The following GALNT10 variants were observed in gnomAD, a reference collection of about 807,000 sequenced individuals.
The protein encoded by GALNT10 is polypeptide N-acetylgalactosaminyltransferase 10.
GALNT10 carries 41 observed loss-of-function variants against 75.0 expected under a neutral mutation model. That is an observed-to-expected ratio of 0.55 (90% CI 0.43 to 0.71). The LOEUF (loss-of-function observed/expected upper bound fraction) is 0.71, where lower values mean the gene tolerates loss of function less well. Among genes scored for constraint, GALNT10 ranks in the 30% least tolerant of loss-of-function variants. GALNT10 has a pLI of 0.00. For synonymous variants in GALNT10, 302 were observed against 313.0 expected (o/e 0.96, Z 0.37); for missense variants, 727 against 818.5 (o/e 0.89, Z 1.36).
intron 1 of GALNT10, among the ~76,000 whole-genome samples, chr5:154,201,647 C>T (rs894192357): frequency 2.6e-5 from 4 of 152,082 alleles, no homozygotes; most frequent in African/African-American, 9.7e-5. Flanking sequence ...GATGTAGGTA[C>T]AGGCCAGGCG....
rs943645787 is a variant in GALNT10 at position 154,402,229 on chromosome 5, C to T, written c.1057-1875C>T. On this transcript the variant is annotated intron_variant, in intron 7 of 11. Coordinates refer to ENST00000297107, the MANE Select transcript of GALNT10 (RefSeq NM_198321.4). The surrounding 1 kb of genome is among the most constrained non-coding windows in gnomAD (Gnocchi z 4.2). ...TGCCCGCGTCTCTGGCCTCCCCTCC[C>T]ATCCCTCTTCCCCTTTCTCCCTCTG... Among the ~76,000 whole-genome samples, 1 of 152,198 alleles carries T rather than the reference C, an allele frequency of 6.6e-6. No individual in the cohort carries two copies. Among genetic ancestry groups the T allele is most frequent in the African/African-American group, 2.4e-5 (1 of 41,446 alleles).
chr5:154,250,689 C>A (rs961296603), intron 1 of GALNT10, among the ~76,000 whole-genome samples: 5 of 152,144 alleles, frequency 3.3e-5, no homozygotes, highest in Non-Finnish European at 7.4e-5. Flanking sequence ...CCACCAGAGT[C>A]GCTCAATCTA....
Position 154,213,314 on chromosome 5 carries a change from T to G in GALNT10, c.159+22289T>G, listed in dbSNP as rs543055083. On this transcript the variant is annotated intron_variant, in intron 1 of 11. Transcript: ENST00000297107. ...TAAGAATTTGAAAGGAAAAACAACC[T>G]CTCCAGGCCGAACATTCCTACAGGT... Among the ~76,000 whole-genome samples the G allele has an allele frequency of 2.7e-4, 41 of 152,170 alleles. 3 individuals are homozygous for G. In the Middle Eastern group the frequency reaches 0.01, roughly 38 times the overall value.
intron 4 of GALNT10, among the ~76,000 whole-genome samples, chr5:154,359,182 T>C (rs1413660391): frequency 1.3e-5 from 2 of 152,150 alleles, no homozygotes; most frequent in Non-Finnish European, 2.9e-5. Context: ...ATTAACGCCA[T>C]GGTAAACGCA....
chr5:154,352,827 G>A lies in GALNT10; in HGVS notation c.568+23089G>A, dbSNP rs1319830592. Among the ~76,000 whole-genome samples, 2 of 152,164 alleles carry A rather than the reference G, an allele frequency of 1.3e-5. No homozygotes were observed. The highest frequency in any genetic ancestry group is 1.5e-5 in the Non-Finnish European group (1 of 68,030). The stretch of plus-strand genomic sequence containing the variant: ...GTTTAAGAAACCTTGACCACCCCGC[G>A]GTCTTGCATCGGGACATGGCTATGG... On this transcript the variant is annotated intron_variant, in intron 4 of 11. Transcript: ENST00000297107. This position sits in a 1 kb window ranked among gnomAD's most constrained non-coding sequence, Gnocchi z 4.4.
chr5:154,195,683 C>A (rs183456581), intron 1 of GALNT10, among the ~76,000 whole-genome samples: 4 of 152,300 alleles, frequency 2.6e-5, no homozygotes, highest in Non-Finnish European at 5.9e-5. Flanking sequence ...TAGGGAGGAA[C>A]GCAGATCAGA....
chr5:154,285,257 T>C (rs764989527), intron 1 of GALNT10, among the ~76,000 whole-genome samples: 3 of 152,216 alleles, frequency 2.0e-5, no homozygotes, highest in Non-Finnish European at 2.9e-5. Flanking sequence ...ACACTCTGCA[T>C]GAGCACGGGA....
chr5:154,251,279 C>T (rs1281959645), intron 1 of GALNT10, among the ~76,000 whole-genome samples: 1 of 152,008 alleles, frequency 6.6e-6, no homozygotes, highest in Non-Finnish European at 1.5e-5. Flanking sequence ...ACTTATCACC[C>T]GAATGTGTAC....
intron 7 of GALNT10, chr5:154,392,863 A>T (rs1755931061): frequency 6.6e-6 from 1 of 152,132 alleles, no homozygotes; most frequent in Admixed American, 6.5e-5. Flanking sequence ...CAGAGCAAGC[A>T]CATTCTTTGA....
chr5:154,335,440 C>T (rs551315318), intron 4 of GALNT10, among the ~76,000 whole-genome samples: 8 of 152,070 alleles, frequency 5.3e-5, no homozygotes, highest in South Asian at 2.1e-4. Context: ...AAAATTCCAG[C>T]GAAATTTAAT....
chr5:154,248,028 T>C (rs1394873291), intron 1 of GALNT10, among the ~76,000 whole-genome samples: 1 of 152,234 alleles, frequency 6.6e-6, no homozygotes, highest in Non-Finnish European at 1.5e-5. Context: ...TGAAGGGCTG[T>C]TGAATTTTGT....
At chr5:154,375,169 A>G (rs1424167986) in intron 4 of GALNT10, among the ~76,000 whole-genome samples, 1 of 152,210 alleles carries the variant, frequency 6.6e-6, no homozygotes, top group Non-Finnish European at 1.5e-5. Flanking sequence ...TACTGGCCGT[A>G]TGTCTAATCC....
intron 4 of GALNT10, among the ~76,000 whole-genome samples, chr5:154,362,786 A>G (rs1755412938): frequency 6.6e-6 from 1 of 152,208 alleles, no homozygotes; most frequent in Non-Finnish European, 1.5e-5. Flanking sequence ...CTTATGAGCT[A>G]TCCCATTCTT....
At chr5:154,382,878 A>C (rs1755754070) in intron 6 of GALNT10, among the ~76,000 whole-genome samples, 1 of 152,202 alleles carries the variant, frequency 6.6e-6, no homozygotes, top group Admixed American at 6.5e-5. Flanking sequence ...AGGCCCAGCT[A>C]GTGTCTTCTG....
intron 1 of GALNT10, among the ~76,000 whole-genome samples, chr5:154,253,573 A>T (rs922052761): frequency 2.0e-5 from 3 of 152,134 alleles, no homozygotes; most frequent in Non-Finnish European, 2.9e-5. Context: ...GTATTTTTTT[A>T]AAAAATAACA....
intron 3 of GALNT10, among the ~76,000 whole-genome samples, chr5:154,311,613 CTTT>C (rs67653636): frequency 7.1e-6 from 1 of 140,634 alleles, no homozygotes. Flanking sequence ...AGAATGGAGA[CTTT>C]TTTTTTTTTT....
intron 1 of GALNT10, among the ~76,000 whole-genome samples, chr5:154,225,090 G>T (rs1202464555): frequency 1.3e-4 from 19 of 144,574 alleles, no homozygotes; most frequent in African/African-American, 2.8e-4. Context: ...CCTTTTTGGG[G>T]TTTTTTTGTT....
At chr5:154,337,260 G>A (rs1754958876) in intron 4 of GALNT10, among the ~76,000 whole-genome samples, 1 of 152,176 alleles carries the variant, frequency 6.6e-6, no homozygotes, top group African/African-American at 2.4e-5. Flanking sequence ...AGGGACTAAA[G>A]TAACCTGTTA....
At chr5:154,209,256 A>G (rs923491756) in intron 1 of GALNT10, among the ~76,000 whole-genome samples, 4 of 152,250 alleles carry the variant, frequency 2.6e-5, no homozygotes, top group African/African-American at 4.8e-5. Context: ...TGAACACACC[A>G]GAACCAGGGT....
Sources: gnomAD v4.1 joint callset for allele counts (sites outside exome capture counted in the v4.1 genomes callset) on GRCh38, gnomAD v4.1.1 for gene constraint, Gnocchi (gnomAD v3.1) non-coding constraint, MANE v1.5 for transcripts, NCBI Gene and HGNC (gene_info 2026-07-23, HGNC 2026-07-21) for gene names.